The following GRIK2 variants were observed in gnomAD, a reference collection of about 807,000 sequenced individuals.
GRIK2 encodes the protein glutamate ionotropic receptor kainate type subunit 2, also known as glutamate receptor ionotropic, kainate 2.
In GRIK2, 32 loss-of-function variants were observed where a neutral mutation model predicts 100.3. The ratio of observed to expected loss-of-function variants is 0.32; its 90% CI spans 0.24 to 0.43. The LOEUF (loss-of-function observed/expected upper bound fraction) is 0.43. GRIK2 is among the 20% of genes least tolerant of loss of function. The pLI, the probability that GRIK2 is intolerant of heterozygous loss-of-function variation, is 1.00. For synonymous variants in GRIK2, 417 were observed against 389.4 expected, an observed-to-expected ratio of 1.07 and a Z score of -0.83; for missense variants, 843 against 1,114.9, an observed-to-expected ratio of 0.76 and a Z score of 3.47.
At chr6:101,451,948 A>G (rs537611179) in intron 2 of GRIK2, among the ~76,000 whole-genome samples, 1 of 151,928 alleles carries the variant, frequency 6.6e-6, no homozygotes, top group Non-Finnish European at 1.5e-5. Context: ...CACTAGTACT[A>G]AAACTAATAG....
At chr6:101,489,902 T>C (rs1181383739) in intron 2 of GRIK2, among the ~76,000 whole-genome samples, 2 of 147,028 alleles carry the variant, frequency 1.4e-5, no homozygotes, top group Non-Finnish European at 3.0e-5. Flanking sequence ...ATGACATTCC[T>C]TGCTTCTGAA....
chr6:101,704,342 G>A (rs1289927375), intron 7 of GRIK2, among the ~76,000 whole-genome samples: 1 of 151,742 alleles, frequency 6.6e-6, no homozygotes, highest in African/African-American at 2.4e-5. Context: ...GTGGATTGAA[G>A]TTCTCCAAGG....
intron 12 of GRIK2, among the ~76,000 whole-genome samples, chr6:101,896,351 A>G (rs1372563040): frequency 1.3e-5 from 2 of 151,778 alleles, no homozygotes; most frequent in Non-Finnish European, 3.0e-5. Flanking sequence ...CCACCTCTCA[A>G]TTTTTAAATT....
intron 2 of GRIK2, among the ~76,000 whole-genome samples, chr6:101,568,386 T>G (rs1777380678): frequency 6.6e-6 from 1 of 152,026 alleles, no homozygotes; most frequent in African/African-American, 2.4e-5. Context: ...AAGTTGCAAA[T>G]AATCTGATGA....
chr6:101,992,678 G>A (rs1036130839), intron 14 of GRIK2, among the ~76,000 whole-genome samples: 12 of 151,534 alleles, frequency 7.9e-5, no homozygotes, highest in African/African-American at 2.9e-4. Context: ...GTTTGCAGAA[G>A]CACAGTGGGC....
At chr6:101,812,717 A>G (rs903507324) in intron 9 of GRIK2, among the ~76,000 whole-genome samples, 2 of 152,184 alleles carry the variant, frequency 1.3e-5, no homozygotes, top group Admixed American at 6.5e-5. Flanking sequence ...AAGTAAAAGC[A>G]TAACTAAATT....
chr6:101,442,249 A>G (rs1398522078), intron 2 of GRIK2, among the ~76,000 whole-genome samples: 2 of 152,108 alleles, frequency 1.3e-5, no homozygotes, highest in Non-Finnish European at 2.9e-5. Context: ...GGTGGGGAGG[A>G]TGGAGTTTGT....
chr6:101,579,849 TAAAA>T (rs756184787), intron 2 of GRIK2, among the ~76,000 whole-genome samples: 1 of 128,912 alleles, frequency 7.8e-6, no homozygotes, highest in Non-Finnish European at 1.6e-5. Context: ...GACTGTGTCT[TAAAA>T]AAAAAAAAAA....
At position 101,394,315 on chromosome 6, in the gene GRIK2, A is replaced by G. The variant is rs535128358; in HGVS notation, c.-294+478A>G. On this transcript the variant is annotated intron_variant, in intron 1 of 16. Transcript: ENST00000369134. ...ATTTATTTTAACCGGCACCCGTATT[A>G]AGAGCTTCTGAAAAAACTTGGAGGG... Among the ~76,000 whole-genome samples, 8 of 152,320 alleles carry G rather than the reference A, an allele frequency of 5.3e-5. No homozygotes were observed. In the East Asian group the frequency reaches 1.5e-3, roughly 29 times the overall value.
chr6:102,011,407 T>C lies in GRIK2; in HGVS notation c.2086-23934T>C, dbSNP rs538532777. On this transcript the variant is annotated intron_variant, in intron 14 of 16. Transcript: ENST00000369134. ...ATGCGTTGTTCATAAATTTTAAGAG[T>C]TCTCTGAATATTTTGGTTAATAGTT... Among the ~76,000 whole-genome samples, 8 of 152,164 alleles carry C rather than the reference T, an allele frequency of 5.3e-5. No individual in the cohort carries two copies. The South Asian group carries it at 1.7e-3, about 32-fold the overall frequency.
chr6:101,999,626 C>T (rs1794827616), intron 14 of GRIK2, among the ~76,000 whole-genome samples: 1 of 151,622 alleles, frequency 6.6e-6, no homozygotes, highest in African/African-American at 2.4e-5. Context: ...AATATGTTGT[C>T]TATGGAAAAA....
chr6:101,396,242 TCCCC>T (rs112605796), intron 1 of GRIK2, among the ~76,000 whole-genome samples: 4,449 of 132,340 alleles, frequency 0.034, 93 homozygotes, highest in East Asian at 0.054. Context: ...AATTTAGCAT[TCCCC>T]CCCCCCCCAG....
chr6:101,985,164 T>C (rs1793950111), intron 14 of GRIK2, among the ~76,000 whole-genome samples: 1 of 151,724 alleles, frequency 6.6e-6, no homozygotes, highest in South Asian at 2.1e-4. Context: ...CTTCATACCA[T>C]TCCCTCAAGG....
chr6:101,435,659 T>C (rs1769673590), intron 2 of GRIK2, among the ~76,000 whole-genome samples: 1 of 152,132 alleles, frequency 6.6e-6, no homozygotes, highest in Non-Finnish European at 1.5e-5. Context: ...TCCATGCTAT[T>C]AAAATTTCCT....
At chr6:101,674,495 A>T (rs1770681247) in intron 4 of GRIK2, among the ~76,000 whole-genome samples, 1 of 152,202 alleles carries the variant, frequency 6.6e-6, no homozygotes. Flanking sequence ...CTGAATGTAT[A>T]GTTTTCTGTA....
chr6:101,656,443 T>A (rs115641548), intron 4 of GRIK2, among the ~76,000 whole-genome samples: 1,631 of 149,514 alleles, frequency 0.011, 13 homozygotes, highest in African/African-American at 0.029. Context: ...TTAAAAAAAA[T>A]GATTTATGCT....
intron 14 of GRIK2, among the ~76,000 whole-genome samples, chr6:102,034,928 A>G (rs1339625903): frequency 6.6e-6 from 1 of 151,298 alleles, no homozygotes; most frequent in East Asian, 1.9e-4. Context: ...TACAGTGTCA[A>G]TCTGAGTGCA....
chr6:101,555,740 A>G (rs2128293788), intron 2 of GRIK2, among the ~76,000 whole-genome samples: 1 of 152,298 alleles, frequency 6.6e-6, no homozygotes, highest in African/African-American at 2.4e-5. Context: ...TATAAAGTGG[A>G]AAAACATTAT....
At chr6:101,557,867 T>C (rs1168957999) in intron 2 of GRIK2, among the ~76,000 whole-genome samples, 3 of 152,230 alleles carry the variant, frequency 2.0e-5, no homozygotes, top group East Asian at 1.9e-4. Context: ...ACTGCTTATG[T>C]ATATTCTCTC....
Sources: allele counts gnomAD v4.1 joint callset (sites outside exome capture counted in the v4.1 genomes callset), GRCh38; gene constraint gnomAD v4.1.1; transcripts MANE v1.5; gene names NCBI Gene and HGNC (gene_info 2026-07-23, HGNC 2026-07-21).